The following SRBD1 variants were observed in gnomAD, a reference collection of about 807,000 sequenced individuals.
The protein encoded by SRBD1 is S1 RNA-binding domain-containing protein 1.
SRBD1 carries 88 observed loss-of-function variants against 115.3 expected under a neutral mutation model. The observed-to-expected ratio is 0.76, with a 90% CI of 0.64 to 0.91. The LOEUF is 0.91. Among genes scored for constraint, SRBD1 ranks in the 40% least tolerant of loss-of-function variants. The probability of loss-of-function intolerance (pLI) is 0.00; values close to 1 mark genes in which losing one functional copy is unlikely to be tolerated. For synonymous variants in SRBD1, 509 were observed against 407.7 expected, an observed-to-expected ratio of 1.25 and a Z score of -2.99; for missense variants, 1,385 against 1,177.4, an observed-to-expected ratio of 1.18 and a Z score of -2.58.
chr2:45,603,861 T>C (rs1026664294), intron 2 of SRBD1, among the ~76,000 whole-genome samples: 1 of 152,070 alleles, frequency 6.6e-6, no homozygotes, highest in Non-Finnish European at 1.5e-5. Context: ...TATCTCCAAC[T>C]CGACCTTCCC....
intron 9 of SRBD1, among the ~76,000 whole-genome samples, chr2:45,567,733 G>A (rs992704566): frequency 6.6e-6 from 1 of 152,292 alleles, no homozygotes; most frequent in Non-Finnish European, 1.5e-5. Flanking sequence ...AGAGACTTCC[G>A]TATTTGCTAT....
chr2:45,585,847 T>C (rs751658207), intron 4 of SRBD1, 73 bp from the exon 5 acceptor site: 23 of 1,214,062 alleles, frequency 1.9e-5, no homozygotes, highest in South Asian at 5.0e-5. Flanking sequence ...ATTTAAAACA[T>C]AGTATCAAAT....
intron 14 of SRBD1, among the ~76,000 whole-genome samples, chr2:45,529,272 C>G (rs1053789235): frequency 3.3e-5 from 5 of 151,728 alleles, no homozygotes; most frequent in African/African-American, 1.2e-4. Context: ...TCCCAGTAAG[C>G]AGAAACCTGT....
intron 14 of SRBD1, among the ~76,000 whole-genome samples, chr2:45,500,279 CTGTGTGTG>C (rs139961270): frequency 7.0e-6 from 1 of 143,446 alleles, no homozygotes; most frequent in African/African-American, 2.5e-5. Context: ...GTGCATGTCT[CTGTGTGTG>C]TGTGTGTGTG....
chr2:45,452,400 A>T (rs1248285009), intron 16 of SRBD1, among the ~76,000 whole-genome samples: 1 of 151,992 alleles, frequency 6.6e-6, no homozygotes, highest in Admixed American at 6.6e-5. Context: ...AGTGCCCCCA[A>T]GTAAGCATCT....
chr2:45,562,095 C>G lies in SRBD1; in HGVS notation c.1409+558G>C, dbSNP rs567975017. ...CAGTTCTTCTCCACAGAGATAATCA[C>G]TATCAAAAATTCCTCACACACCCTC... On this transcript the variant is annotated intron_variant, in intron 10 of 20. Coordinates refer to ENST00000263736, the MANE Select transcript of SRBD1 (RefSeq NM_018079.5). Among the ~76,000 whole-genome samples, 5 of 152,292 alleles carry G rather than the reference C, an allele frequency of 3.3e-5. No individual in the cohort carries two copies. In the East Asian group the frequency reaches 9.6e-4, roughly 29 times the overall value.
chr2:45,570,988 A>C (rs555381799), intron 9 of SRBD1, among the ~76,000 whole-genome samples: 8 of 152,268 alleles, frequency 5.3e-5, no homozygotes, highest in African/African-American at 1.9e-4. Context: ...AGAACAAAAA[A>C]CCTGTGAAAA....
chr2:45,564,754 T>C (rs1672774938), intron 9 of SRBD1, among the ~76,000 whole-genome samples: 1 of 152,206 alleles, frequency 6.6e-6, no homozygotes, highest in African/African-American at 2.4e-5. Flanking sequence ...GACTTACACG[T>C]GGATTTTTTT....
intron 10 of SRBD1, among the ~76,000 whole-genome samples, chr2:45,561,300 C>T (rs997555011): frequency 3.9e-5 from 6 of 152,162 alleles, no homozygotes; most frequent in Non-Finnish European, 8.8e-5. Flanking sequence ...AGAATTCCAC[C>T]ATATGGATAT....
intron 9 of SRBD1, among the ~76,000 whole-genome samples, chr2:45,565,531 TA>T (rs1340966378): frequency 6.6e-6 from 1 of 152,052 alleles, no homozygotes; most frequent in East Asian, 1.9e-4. Context: ...AAATTTCCAT[TA>T]AAAAAGGAGA....
chr2:45,544,516 C>T (rs1379863166), intron 14 of SRBD1, among the ~76,000 whole-genome samples: 2 of 152,038 alleles, frequency 1.3e-5, no homozygotes, highest in African/African-American at 4.8e-5. Context: ...TCACTTCATA[C>T]CACAGCACCT....
intron 4 of SRBD1, among the ~76,000 whole-genome samples, chr2:45,594,078 A>G (rs1673812581): frequency 6.6e-6 from 1 of 152,226 alleles, no homozygotes; most frequent in African/African-American, 2.4e-5. Context: ...ATTAACAAAA[A>G]GTACCAATTT....
rs757659425 is a variant in SRBD1 at position 45,602,006 on chromosome 2, T to A, written c.158A>T (p.Gln53Leu). 7.1e-5 allele frequency: 114 copies of A among 1,614,248 alleles called. No homozygotes were observed. In the South Asian group the frequency reaches 1.2e-3, roughly 17 times the overall value. Residue 53 changes from glutamine (Q) to leucine (L), a missense_variant, in exon 3 of 21, where the codon CAG (glutamine) becomes CTG (leucine). By Grantham distance (113) the Gln-to-Leu change is moderately radical. Coordinates refer to ENST00000263736, the MANE Select transcript of SRBD1 (RefSeq NM_018079.5). ...PQKKVPRSRK[Q>L]PPPKESKPKR... Reference sequence around the variant, plus strand: ...TGGTTTGGATTCCTTGGGAGGGGGCTGTTTACGGCTTCTGGGAACTTTCTT... The same window carrying A: ...TGGTTTGGATTCCTTGGGAGGGGGCAGTTTACGGCTTCTGGGAACTTTCTT...
chr2:45,423,058 C>G (rs564943329), intron 16 of SRBD1, among the ~76,000 whole-genome samples: 2 of 152,046 alleles, frequency 1.3e-5, no homozygotes, highest in Non-Finnish European at 2.9e-5. Flanking sequence ...AATAACCATA[C>G]GACTTTAAAA....
intron 13 of SRBD1, 82 bp from the exon 14 acceptor site, chr2:45,546,921 A>G (rs1672139305): frequency 3.2e-6 from 4 of 1,247,036 alleles, no homozygotes; most frequent in Non-Finnish European, 4.7e-6. Flanking sequence ...GAATGCACAA[A>G]TACTATTATA....
chr2:45,547,435 T>G (rs1672155433), intron 13 of SRBD1, 87 bp downstream of exon 13: 1 of 1,191,620 alleles, frequency 8.4e-7, no homozygotes, highest in South Asian at 1.4e-5. Context: ...GCACCTCCCT[T>G]AATCCCTCCC....
At chr2:45,604,316 T>C (rs994113352) in intron 2 of SRBD1, among the ~76,000 whole-genome samples, 19 of 144,930 alleles carry the variant, frequency 1.3e-4, no homozygotes, top group Non-Finnish European at 2.2e-4. Flanking sequence ...GGAGATACTG[T>C]ATAAAATTGA....
intron 16 of SRBD1, among the ~76,000 whole-genome samples, chr2:45,454,882 C>A (rs1421744836): frequency 6.6e-6 from 1 of 151,840 alleles, no homozygotes; most frequent in Non-Finnish European, 1.5e-5. Context: ...ACAGAATAAT[C>A]ACAGAAAGTA....
chr2:45,469,235 T>C (rs1669579051), intron 16 of SRBD1, among the ~76,000 whole-genome samples: 1 of 152,218 alleles, frequency 6.6e-6, no homozygotes, highest in East Asian at 1.9e-4. Flanking sequence ...TCTTTCATGA[T>C]AGTATTTTTA....
Sources: allele counts gnomAD v4.1 joint callset (sites outside exome capture counted in the v4.1 genomes callset), GRCh38; gene constraint gnomAD v4.1.1; transcripts MANE v1.5; gene names NCBI Gene and HGNC (gene_info 2026-07-23, HGNC 2026-07-21).